IL34: variants seen among roughly 807,000 people sequenced by gnomAD.
The protein encoded by IL34 is interleukin-34.
Under a neutral mutation model 25.3 loss-of-function variants are expected in IL34, and 17 were observed. That is an observed-to-expected ratio of 0.67 (90% CI 0.46 to 1.01). IL34 has a LOEUF of 1.01. Among genes scored for constraint, IL34 ranks in the 50% least tolerant of loss-of-function variants. The probability of loss-of-function intolerance (pLI) is 0.00; values close to 1 mark genes in which losing one functional copy is unlikely to be tolerated. For synonymous variants in IL34, 174 were observed against 140.9 expected (o/e 1.23, Z -1.66); for missense variants, 368 against 312.9 (o/e 1.18, Z -1.33).
chr16:70,628,557 G>C (rs1336024842), intron 1 of IL34, among the ~76,000 whole-genome samples: 2 of 151,350 alleles, frequency 1.3e-5, no homozygotes, highest in Non-Finnish European at 2.9e-5. Flanking sequence ...TATGATCTTG[G>C]CTCACTGCAA....
chr16:70,602,583 ATGTGTGTGTGTGTGTGTG>A (rs3058045), intron 1 of IL34, among the ~76,000 whole-genome samples: 15 of 134,960 alleles, frequency 1.1e-4, no homozygotes, highest in Admixed American at 6.0e-4. Context: ...TTTGGAATTG[ATGTGTGTGTGTGTGTGTG>A]TGTGTGTGTG....
intron 1 of IL34, among the ~76,000 whole-genome samples, chr16:70,651,188 G>A (rs576817021): frequency 6.6e-6 from 1 of 152,218 alleles, no homozygotes; most frequent in South Asian, 2.1e-4. Flanking sequence ...TGATGGGGGG[G>A]AGAGAAGAGT....
chr16:70,628,784 G>GTTT (rs2051453107), intron 1 of IL34, among the ~76,000 whole-genome samples: 1 of 122,082 alleles, frequency 8.2e-6, no homozygotes. Context: ...ATCACACCTG[G>GTTT]TCTTTTTTTT....
At chr16:70,628,600 C>CCT (rs1430186444) in intron 1 of IL34, among the ~76,000 whole-genome samples, 2 of 151,604 alleles carry the variant, frequency 1.3e-5, no homozygotes, top group African/African-American at 4.8e-5. Context: ...GATTCTCCTA[C>CCT]CTCAGCCTCC....
chr16:70,623,526 T>C (rs149206563), intron 1 of IL34, among the ~76,000 whole-genome samples: 1,997 of 152,006 alleles, frequency 0.013, 43 homozygotes, highest in Middle Eastern at 0.044. Flanking sequence ...AAGCATGCTG[T>C]GGGATGGGAT....
chr16:70,594,023 G>T (rs2050786686), intron 1 of IL34, among the ~76,000 whole-genome samples: 1 of 152,164 alleles, frequency 6.6e-6, no homozygotes, highest in Admixed American at 6.6e-5. Flanking sequence ...ACACTATCTT[G>T]ATTGCTATAG....
intron 1 of IL34, among the ~76,000 whole-genome samples, chr16:70,580,868 G>C (rs1252205877): frequency 6.6e-6 from 1 of 151,904 alleles, no homozygotes; most frequent in African/African-American, 2.4e-5. Flanking sequence ...TTCTCATGCA[G>C]GTGGGATTTC....
At chr16:70,623,164 A>G (rs961041249) in intron 1 of IL34, among the ~76,000 whole-genome samples, 2 of 152,094 alleles carry the variant, frequency 1.3e-5, no homozygotes, top group Admixed American at 6.5e-5. Flanking sequence ...GACGCCTTGC[A>G]GCAGTACAGC....
chr16:70,659,852 T>C, intron 5 of IL34, 99 bp downstream of exon 5: 1 of 1,500,298 alleles, frequency 6.7e-7, no homozygotes, highest in Non-Finnish European at 9.0e-7. Context: ...GGGCATATCC[T>C]CTGCTCCCCG....
rs1052884158 is a variant in IL34, at chr16:70,646,766, G to A, written c.-182G>A. On this transcript the variant is annotated 5_prime_UTR_variant, in exon 1 of 6. Coordinates refer to ENST00000288098, the MANE Select transcript of IL34 (RefSeq NM_001393494.1). ...TCCTCCACGCTGCCGGGCAGATAAG[G>A]GCAGCTGCTGCCCTTGGGGCACCTG... The A allele has an allele frequency of 3.2e-4, 175 of 550,282 alleles. No individual in the cohort carries two copies. In the Middle Eastern group the frequency reaches 3.6e-3, roughly 11 times the overall value. 34.1% of individuals were successfully genotyped at this position (550,282 alleles called of 1,614,324 possible).
chr16:70,639,541 A>G (rs1015775943), intron 1 of IL34, among the ~76,000 whole-genome samples: 5 of 152,246 alleles, frequency 3.3e-5, no homozygotes, highest in Non-Finnish European at 1.5e-5. Context: ...TTGCCTGCCA[A>G]CATCAGCAAA....
At chr16:70,619,981 A>T (rs12933193) in intron 1 of IL34, among the ~76,000 whole-genome samples, 1 of 151,378 alleles carries the variant, frequency 6.6e-6, no homozygotes, top group Non-Finnish European at 1.5e-5. Flanking sequence ...GCGGTTCAGG[A>T]GTTTGGAAGT....
At chr16:70,635,140 G>GT (rs1241041672) in intron 1 of IL34, among the ~76,000 whole-genome samples, 1 of 152,112 alleles carries the variant, frequency 6.6e-6, no homozygotes, top group African/African-American at 2.4e-5. Context: ...CAGAGTCTAG[G>GT]TATGTGTTTA....
chr16:70,605,528 C>A lies in IL34; in HGVS notation c.-401+25479C>A, dbSNP rs189864355. Among the ~76,000 whole-genome samples, 114 of 152,296 alleles carry A rather than the reference C, an allele frequency of 7.5e-4. No homozygotes were observed. In the South Asian group the frequency reaches 0.014, roughly 19 times the overall value. On this transcript the variant is annotated intron_variant, in intron 1 of 6. Transcript: ENST00000429149. ...ACAACTCCTCTTCCCTTCTCCCCAG[C>A]CCTGGTAACCTCTATGCTGCTTTTT...
intron 1 of IL34, among the ~76,000 whole-genome samples, chr16:70,583,448 G>C (rs925439893): frequency 1.3e-5 from 2 of 152,118 alleles, no homozygotes; most frequent in Admixed American, 6.6e-5. Flanking sequence ...TTGCGGCTTC[G>C]AGGGACGAAG....
intron 1 of IL34, among the ~76,000 whole-genome samples, chr16:70,637,049 A>T (rs1180188666): frequency 6.6e-6 from 1 of 151,592 alleles, no homozygotes; most frequent in Admixed American, 6.6e-5. Context: ...TTTAGTAGAG[A>T]CGGGGTTTTA....
chr16:70,645,143 AAGG>A (rs772494759), upstream of IL34, among the ~76,000 whole-genome samples: 5 of 147,568 alleles, frequency 3.4e-5, 1 homozygote, highest in East Asian at 4.1e-4. Context: ...GAAGACGAGG[AAGG>A]AGGAGGAGGA....
chr16:70,618,916 G>A (rs1398055721), intron 1 of IL34, among the ~76,000 whole-genome samples: 1 of 152,068 alleles, frequency 6.6e-6, no homozygotes, highest in Non-Finnish European at 1.5e-5. Flanking sequence ...AGAGAGGCTG[G>A]GATTAACGGT....
intron 1 of IL34, among the ~76,000 whole-genome samples, chr16:70,621,813 T>C (rs1212319297): frequency 6.8e-6 from 1 of 147,814 alleles, no homozygotes; most frequent in Non-Finnish European, 1.5e-5. Context: ...GGAGTGGGGG[T>C]CGCAAGGTGC....
Sources: allele counts gnomAD v4.1 joint callset (sites outside exome capture counted in the v4.1 genomes callset), GRCh38; gene constraint gnomAD v4.1.1; transcripts MANE v1.5; gene names NCBI Gene and HGNC (gene_info 2026-07-23, HGNC 2026-07-21).